Variants in AGBL3 observed in about 807,000 individuals in gnomAD.
AGBL3 encodes cytosolic carboxypeptidase 3.
A neutral mutation model predicts 94.5 loss-of-function variants in AGBL3; 68 were observed. That is an observed-to-expected ratio of 0.72 (90% CI 0.59 to 0.88). The LOEUF (loss-of-function observed/expected upper bound fraction) is 0.88. Ranked by LOEUF, AGBL3 falls within the 40% of genes least tolerant of loss-of-function variation. The pLI, the probability that AGBL3 is intolerant of heterozygous loss-of-function variation, is 0.00. For missense variants in AGBL3, 934 were observed against 1,103.8 expected, an observed-to-expected ratio of 0.85 and a Z score of 2.18; for synonymous variants, 354 against 370.7, an observed-to-expected ratio of 0.95 and a Z score of 0.52.
At chr7:134,993,354 G>C (rs989676981) in intron 3 of AGBL3, 139 bp from the exon 4 acceptor site, 2 of 668,150 alleles carry the variant, frequency 3.0e-6, no homozygotes, top group East Asian at 6.1e-5. Flanking sequence ...TTTATAAACA[G>C]TGCCATGAAT....
intron 4 of AGBL3, among the ~76,000 whole-genome samples, chr7:134,999,288 C>A (rs4236648): frequency 4.6e-5 from 7 of 152,142 alleles, no homozygotes; most frequent in Admixed American, 2.0e-4. Flanking sequence ...CTGTCAGGAC[C>A]CTTTTATAGT....
intron 15 of AGBL3, among the ~76,000 whole-genome samples, chr7:135,107,783 C>T (rs942229131): frequency 6.6e-6 from 1 of 151,970 alleles, no homozygotes; most frequent in Non-Finnish European, 1.5e-5. Context: ...GAATTTTCTG[C>T]CTTGGTGATC....
At chr7:134,992,898 G>A (rs1171131164) in intron 3 of AGBL3, among the ~76,000 whole-genome samples, 1 of 152,198 alleles carries the variant, frequency 6.6e-6, no homozygotes, top group East Asian at 1.9e-4. Context: ...GGAAACCCAG[G>A]AAATGTATCA....
intron 7 of AGBL3, among the ~76,000 whole-genome samples, chr7:135,036,625 G>A (rs1816335892): frequency 1.3e-5 from 2 of 152,008 alleles, no homozygotes; most frequent in African/African-American, 4.8e-5. Context: ...CCTAGACAAG[G>A]GCCAAGCAAA....
intron 11 of AGBL3, among the ~76,000 whole-genome samples, chr7:135,052,313 A>AG (rs1215829747): frequency 8.5e-5 from 13 of 152,152 alleles, no homozygotes; most frequent in Admixed American, 8.5e-4. Context: ...TTCAGTACAT[A>AG]GGGGTTTTCC....
intron 8 of AGBL3, among the ~76,000 whole-genome samples, chr7:135,038,130 A>G (rs1816484896): frequency 6.6e-6 from 1 of 152,198 alleles, no homozygotes. Flanking sequence ...TTATATTTTA[A>G]TCATTCTTTA....
chr7:135,077,431 A>G (rs1166563453), intron 13 of AGBL3, among the ~76,000 whole-genome samples: 1 of 152,160 alleles, frequency 6.6e-6, no homozygotes, highest in Non-Finnish European at 1.5e-5. Context: ...CTTGGAGGGA[A>G]GAGTGCCATT....
chr7:135,107,387 A>G (rs939935190), intron 15 of AGBL3, among the ~76,000 whole-genome samples: 1 of 152,156 alleles, frequency 6.6e-6, no homozygotes, highest in Admixed American at 6.5e-5. Flanking sequence ...TGCCTTAGCT[A>G]TGTCCCAGAG....
chr7:135,040,951 A>G (rs1029802995), intron 8 of AGBL3, among the ~76,000 whole-genome samples: 5 of 151,934 alleles, frequency 3.3e-5, no homozygotes, highest in African/African-American at 4.8e-5. Flanking sequence ...ATACAAGATC[A>G]ACCCACAAAA....
chr7:135,071,867 C>A (rs1188337814), intron 12 of AGBL3, among the ~76,000 whole-genome samples: 2 of 152,138 alleles, frequency 1.3e-5, no homozygotes, highest in Admixed American at 1.3e-4. Flanking sequence ...GACTTCATGT[C>A]TAAAACACCA....
intron 15 of AGBL3, among the ~76,000 whole-genome samples, chr7:135,100,372 A>G (rs1823646956): frequency 6.6e-6 from 1 of 152,188 alleles, no homozygotes; most frequent in Non-Finnish European, 1.5e-5. Flanking sequence ...CAAACTTTAT[A>G]GTTTTGTCTA....
chr7:135,101,214 C>T (rs1419056174), intron 15 of AGBL3: 1 of 456,244 alleles, frequency 2.2e-6, no homozygotes, highest in East Asian at 6.9e-5. Flanking sequence ...AGTGACATCC[C>T]TGCAGTCTCC....
intron 15 of AGBL3, among the ~76,000 whole-genome samples, chr7:135,104,689 G>A (rs1824382630): frequency 1.3e-5 from 2 of 151,666 alleles, no homozygotes; most frequent in South Asian, 4.2e-4. Flanking sequence ...GTGATATTGA[G>A]CTTTATTTCA....
At chr7:135,047,147 T>A (rs1246208101) in intron 11 of AGBL3, among the ~76,000 whole-genome samples, 1 of 152,086 alleles carries the variant, frequency 6.6e-6, no homozygotes, top group Non-Finnish European at 1.5e-5. Flanking sequence ...AATGAAATCA[T>A]GCAGTATTTG....
At chr7:135,031,373 C>T (rs1815723590) in intron 5 of AGBL3, among the ~76,000 whole-genome samples, 1 of 152,136 alleles carries the variant, frequency 6.6e-6, no homozygotes, top group Non-Finnish European at 1.5e-5. Context: ...GATTCTCATG[C>T]CTCAGTCTCC....
chr7:134,999,376 A>G (rs1201830026), intron 4 of AGBL3, among the ~76,000 whole-genome samples: 2 of 152,198 alleles, frequency 1.3e-5, no homozygotes, highest in Non-Finnish European at 2.9e-5. Context: ...AAATCTGCCC[A>G]TAGCCACCTG....
chr7:135,023,232 C>T (rs1814707133), intron 5 of AGBL3, among the ~76,000 whole-genome samples: 1 of 151,972 alleles, frequency 6.6e-6, no homozygotes, highest in Non-Finnish European at 1.5e-5. Context: ...CAGGAAGCAC[C>T]ACTCCCACTG....
intron 16 of AGBL3, among the ~76,000 whole-genome samples, chr7:135,126,256 G>A (rs984563723): frequency 3.3e-5 from 5 of 152,052 alleles, no homozygotes; most frequent in Non-Finnish European, 7.4e-5. Flanking sequence ...ACATAGATAA[G>A]CAGAGAGCCA....
At chr7:135,080,868 G>A (rs965299387) in intron 14 of AGBL3, among the ~76,000 whole-genome samples, 1 of 146,242 alleles carries the variant, frequency 6.8e-6, no homozygotes, top group Non-Finnish European at 1.5e-5. Context: ...ATGTGTGTGT[G>A]TATATATATA....
Sources: allele counts gnomAD v4.1 joint callset (sites outside exome capture counted in the v4.1 genomes callset), GRCh38; gene constraint gnomAD v4.1.1; transcripts MANE v1.5; gene names NCBI Gene and HGNC (gene_info 2026-07-23, HGNC 2026-07-21).